DIP2B: variants seen among roughly 807,000 people sequenced by gnomAD.
The protein encoded by DIP2B is DIP2 acetate--CoA ligase B (putative), also known as disco-interacting protein 2 homolog B.
DIP2B carries 76 observed loss-of-function variants against 198.0 expected under a neutral mutation model. That is an observed-to-expected ratio of 0.38 (90% CI 0.32 to 0.46). DIP2B has a LOEUF of 0.46. Among genes scored for constraint, DIP2B ranks in the 20% least tolerant of loss-of-function variants. The pLI, the probability that DIP2B is intolerant of heterozygous loss-of-function variation, is 0.99. For synonymous variants in DIP2B, 701 were observed against 739.1 expected (o/e 0.95, Z 0.84); for missense variants, 1,559 against 1,978.4 (o/e 0.79, Z 4.02).
chr12:50,524,960 G>A (rs894513071), intron 1 of DIP2B, among the ~76,000 whole-genome samples: 3 of 152,066 alleles, frequency 2.0e-5, no homozygotes, highest in African/African-American at 7.2e-5. Context: ...TCTTGGGCTC[G>A]AGCAATCCTC....
chr12:50,714,367 C>T (rs1939674572), intron 22 of DIP2B, 28 bp from the exon 23 acceptor site: 2 of 1,612,944 alleles, frequency 1.2e-6, no homozygotes, highest in East Asian at 4.5e-5. Flanking sequence ...AGTGATCTCA[C>T]TGAGTATTTT....
At chr12:50,651,321 T>A (rs1938448963) in intron 3 of DIP2B, among the ~76,000 whole-genome samples, 1 of 152,210 alleles carries the variant, frequency 6.6e-6, no homozygotes, top group African/African-American at 2.4e-5. Context: ...GTGCAGAAGT[T>A]TTTAAGTTTA....
intron 1 of DIP2B, among the ~76,000 whole-genome samples, chr12:50,529,484 T>C (rs541745113): frequency 1.3e-5 from 2 of 152,252 alleles, no homozygotes; most frequent in East Asian, 3.9e-4. Flanking sequence ...TTTAGATTTG[T>C]CAATCATTGA....
intron 1 of DIP2B, among the ~76,000 whole-genome samples, chr12:50,520,952 C>T (rs1050268127): frequency 6.6e-6 from 1 of 152,106 alleles, no homozygotes; most frequent in Admixed American, 6.6e-5. Flanking sequence ...AGTATTTTCC[C>T]TGTCAGGACT....
intron 21 of DIP2B, among the ~76,000 whole-genome samples, 190 bp downstream of exon 21, chr12:50,706,855 A>G (rs1314489819): frequency 6.6e-6 from 1 of 151,980 alleles, no homozygotes; most frequent in Non-Finnish European, 1.5e-5. Flanking sequence ...TATATTTTAC[A>G]ACATCTGGTG....
intron 4 of DIP2B, among the ~76,000 whole-genome samples, chr12:50,661,095 T>A (rs916709965): frequency 2.6e-4 from 39 of 151,812 alleles, no homozygotes; most frequent in Admixed American, 7.2e-4. Context: ...TTAAAAAAAA[T>A]TTTTTTTGAA....
chr12:50,626,839 T>A (rs1440441763), intron 2 of DIP2B, among the ~76,000 whole-genome samples: 2 of 151,602 alleles, frequency 1.3e-5, no homozygotes, highest in East Asian at 3.9e-4. Flanking sequence ...ACAGTTCTCA[T>A]AGTAAGCTTT....
At chr12:50,680,853 C>T (rs1565868981) in intron 9 of DIP2B, 90 bp downstream of exon 9, 1 of 1,220,044 alleles carries the variant, frequency 8.2e-7, no homozygotes, top group Non-Finnish European at 1.2e-6. Context: ...TCATATACAA[C>T]AGGAAAATTT....
intron 1 of DIP2B, among the ~76,000 whole-genome samples, chr12:50,608,641 G>GAAAGA (rs925285815): frequency 2.4e-4 from 35 of 145,466 alleles, no homozygotes; most frequent in Non-Finnish European, 4.8e-4. Flanking sequence ...AAAAAAAAAA[G>GAAAGA]AAAGAAAAGA....
At chr12:50,696,604 T>G (rs1939316252) in intron 16 of DIP2B, among the ~76,000 whole-genome samples, 1 of 152,218 alleles carries the variant, frequency 6.6e-6, no homozygotes. Flanking sequence ...ACACTGTTTG[T>G]CATAAATGGA....
At chr12:50,587,690 A>G (rs182488019) in intron 1 of DIP2B, among the ~76,000 whole-genome samples, 3 of 152,332 alleles carry the variant, frequency 2.0e-5, no homozygotes, top group African/African-American at 7.2e-5. Flanking sequence ...TATGGAAGCA[A>G]CAACCCTAAA....
At position 50,539,293 on chromosome 12, in the gene DIP2B, C is replaced by G. The variant is rs79894617; in HGVS notation, c.100+34053C>G. ...TCGCCTAGGCTGGAGTGCAGTGGCACTATCTCTTATGGAATATTACATACA... is the reference window on the plus strand; with the variant it reads ...TCGCCTAGGCTGGAGTGCAGTGGCAGTATCTCTTATGGAATATTACATACA... On this transcript the variant is annotated intron_variant, in intron 1 of 37. Transcript: ENST00000301180. 5.4e-5 allele frequency among the ~76,000 whole-genome samples: 8 copies of G among 149,178 alleles called. No individual in the cohort carries two copies. In the East Asian group the frequency reaches 1.6e-3, roughly 29 times the overall value.
intron 1 of DIP2B, among the ~76,000 whole-genome samples, chr12:50,564,813 A>T (rs1000049953): frequency 4.6e-5 from 7 of 152,152 alleles, no homozygotes; most frequent in African/African-American, 1.7e-4. Flanking sequence ...GGAAGTCCAT[A>T]ATCTTTTACT....
intron 35 of DIP2B, among the ~76,000 whole-genome samples, chr12:50,737,324 A>G (rs1940155372): frequency 6.6e-6 from 1 of 152,212 alleles, no homozygotes; most frequent in Non-Finnish European, 1.5e-5. Flanking sequence ...AAATGGTACC[A>G]GATTTGTCCA....
At chr12:50,662,168 A>T (rs1013642871) in intron 4 of DIP2B, among the ~76,000 whole-genome samples, 2 of 152,222 alleles carry the variant, frequency 1.3e-5, no homozygotes, top group Non-Finnish European at 2.9e-5. Flanking sequence ...GATTCCAAAG[A>T]TACAATCCTT....
At chr12:50,606,561 C>G (rs1176928863) in intron 1 of DIP2B, among the ~76,000 whole-genome samples, 2 of 152,160 alleles carry the variant, frequency 1.3e-5, no homozygotes, top group East Asian at 3.8e-4. Flanking sequence ...GCAAATTTTT[C>G]TCACCTTCAA....
chr12:50,713,243 C>G (rs182654346), intron 22 of DIP2B, among the ~76,000 whole-genome samples: 2 of 152,100 alleles, frequency 1.3e-5, no homozygotes, highest in Non-Finnish European at 1.5e-5. Flanking sequence ...TCACCATACC[C>G]GGCCTGGTTT....
chr12:50,584,211 A>G (rs1958749576), intron 1 of DIP2B, among the ~76,000 whole-genome samples: 1 of 152,122 alleles, frequency 6.6e-6, no homozygotes, highest in Non-Finnish European at 1.5e-5. Context: ...GATATCAGTA[A>G]CCTGTGACCC....
intron 1 of DIP2B, among the ~76,000 whole-genome samples, chr12:50,545,837 A>G (rs1958372746): frequency 6.6e-6 from 1 of 151,716 alleles, no homozygotes; most frequent in African/African-American, 2.4e-5. Flanking sequence ...GGGTTTCACC[A>G]TGTTGGCCAG....
Sources: gnomAD v4.1 joint callset for allele counts (sites outside exome capture counted in the v4.1 genomes callset) on GRCh38, gnomAD v4.1.1 for gene constraint, MANE v1.5 for transcripts, NCBI Gene and HGNC (gene_info 2026-07-23, HGNC 2026-07-21) for gene names.